Variants in ROBO1 observed in about 807,000 individuals in gnomAD.
The protein encoded by ROBO1 is roundabout homolog 1.
Under a neutral mutation model 195.9 loss-of-function variants are expected in ROBO1, and 149 were observed. The observed-to-expected ratio is 0.76, with a 90% confidence interval of 0.67 to 0.87. ROBO1 has a LOEUF of 0.87. Ranked by LOEUF, ROBO1 falls within the 40% of genes least tolerant of loss-of-function variation. The pLI, the probability that ROBO1 is intolerant of heterozygous loss-of-function variation, is 0.00. For missense variants in ROBO1, 1,933 were observed against 2,068.3 expected, an observed-to-expected ratio of 0.93 and a Z score of 1.27; for synonymous variants, 816 against 733.2, an observed-to-expected ratio of 1.11 and a Z score of -1.82.
chr3:79,614,053 C>T (rs1944746808), intron 1 of ROBO1, among the ~76,000 whole-genome samples: 1 of 151,950 alleles, frequency 6.6e-6, no homozygotes, highest in Non-Finnish European at 1.5e-5. Flanking sequence ...GAGAAAACTA[C>T]AATAACAGAG....
At chr3:79,479,238 T>C (rs1031675036) in intron 2 of ROBO1, among the ~76,000 whole-genome samples, 2 of 152,212 alleles carry the variant, frequency 1.3e-5, no homozygotes, top group African/African-American at 4.8e-5. Context: ...AGATGATTTT[T>C]TCCACGGATG....
At chr3:79,397,700 A>C (rs2037206283) in intron 2 of ROBO1, among the ~76,000 whole-genome samples, 1 of 152,206 alleles carries the variant, frequency 6.6e-6, no homozygotes, top group Non-Finnish European at 1.5e-5. Context: ...TGAAACCCCC[A>C]AAACATTTAT....
At chr3:78,696,372 C>T (rs2081289910) in intron 8 of ROBO1, among the ~76,000 whole-genome samples, 1 of 152,068 alleles carries the variant, frequency 6.6e-6, no homozygotes, top group African/African-American at 2.4e-5. Context: ...GACCTTAGAA[C>T]TTATCAGTCT....
intron 5 of ROBO1, among the ~76,000 whole-genome samples, chr3:78,726,309 A>C (rs9874934): frequency 0.47 from 71,264 of 151,890 alleles, 17,638 homozygotes; most frequent in Middle Eastern, 0.57. Context: ...CAGATAAGAC[A>C]CACATAGGCA....
chr3:79,392,317 T>C (rs1218998053), intron 2 of ROBO1, among the ~76,000 whole-genome samples: 3 of 152,196 alleles, frequency 2.0e-5, no homozygotes, highest in African/African-American at 7.2e-5. Context: ...TATTTGAAGA[T>C]TAAAGCTTGC....
chr3:79,033,882 G>C (rs960814690), intron 3 of ROBO1, among the ~76,000 whole-genome samples: 1 of 152,070 alleles, frequency 6.6e-6, no homozygotes, highest in Admixed American at 6.6e-5. Context: ...CTTTGAAATA[G>C]GATTTTATCC....
chr3:79,506,437 A>G (rs1940399516), intron 2 of ROBO1, among the ~76,000 whole-genome samples: 1 of 152,006 alleles, frequency 6.6e-6, no homozygotes. Flanking sequence ...AAGAAAAGAA[A>G]TAGAAAAACA....
chr3:78,859,277 C>T (rs2034642798), intron 4 of ROBO1, among the ~76,000 whole-genome samples: 1 of 152,146 alleles, frequency 6.6e-6, no homozygotes, highest in Admixed American at 6.5e-5. Context: ...GTTGTTGGTA[C>T]AGGTTGAGTA....
At chr3:79,315,618 G>A (rs746701938) in intron 2 of ROBO1, among the ~76,000 whole-genome samples, 5 of 152,180 alleles carry the variant, frequency 3.3e-5, no homozygotes, top group Admixed American at 2.6e-4. Flanking sequence ...AGGGAGAAAC[G>A]AGTTTTGAGT....
intron 23 of ROBO1, 123 bp downstream of exon 23, chr3:78,635,650 T>C: frequency 1.2e-6 from 1 of 850,116 alleles, no homozygotes; most frequent in East Asian, 2.7e-5. Flanking sequence ...ACCAAAGAAA[T>C]AAGAAAATCT....
intron 2 of ROBO1, among the ~76,000 whole-genome samples, chr3:79,338,458 T>C (rs2034774121): frequency 6.6e-6 from 1 of 152,206 alleles, no homozygotes; most frequent in Admixed American, 6.5e-5. Context: ...GTCAGAATAT[T>C]ATATCACCTG....
rs929921889 is a variant in ROBO1 at position 79,019,362 on chromosome 3, C to A, written c.173-80435G>T. Reference sequence around the variant, plus strand: ...GAGAAGGGCAGAGAGGATGCTGCTGCGGGTGGGAGAGACGGCCGCCGCGGC... The same window carrying A: ...GAGAAGGGCAGAGAGGATGCTGCTGAGGGTGGGAGAGACGGCCGCCGCGGC... On this transcript the variant is annotated intron_variant, in intron 3 of 30. Transcript: ENST00000464233. 17 of 985,618 alleles carry A rather than the reference C, an allele frequency of 1.7e-5. No individual in the cohort carries two copies. The African/African-American group carries it at 2.8e-4, about 16-fold the overall frequency. 61.1% of individuals were successfully genotyped at this position (985,618 alleles called of 1,614,324 possible).
At chr3:78,991,749 G>A (rs1021130627) in intron 3 of ROBO1, among the ~76,000 whole-genome samples, 1 of 152,126 alleles carries the variant, frequency 6.6e-6, no homozygotes, top group African/African-American at 2.4e-5. Context: ...TAACGATACA[G>A]TTGCTTATTC....
At chr3:79,252,933 T>G (rs1287387888) in intron 2 of ROBO1, among the ~76,000 whole-genome samples, 1 of 152,152 alleles carries the variant, frequency 6.6e-6, no homozygotes, top group East Asian at 1.9e-4. Context: ...AGTGTTCTCC[T>G]GAACCCATTG....
At chr3:79,053,300 A>C (rs1195073759) in intron 3 of ROBO1, among the ~76,000 whole-genome samples, 2 of 150,898 alleles carry the variant, frequency 1.3e-5, no homozygotes, top group African/African-American at 4.9e-5. Flanking sequence ...CTCCTCCCCC[A>C]CCTAACGATT....
chr3:78,948,635 A>C (rs1022616456), intron 3 of ROBO1, among the ~76,000 whole-genome samples: 10 of 152,166 alleles, frequency 6.6e-5, no homozygotes, highest in African/African-American at 2.2e-4. Context: ...CACTACTCCT[A>C]TTCAACATAG....
chr3:79,404,035 T>G (rs1184316314), intron 2 of ROBO1, among the ~76,000 whole-genome samples: 2 of 152,058 alleles, frequency 1.3e-5, no homozygotes, highest in African/African-American at 2.4e-5. Context: ...TTTTCACTGT[T>G]TTGAAATCAT....
At chr3:78,676,762 T>C (rs1332881667) in intron 10 of ROBO1, among the ~76,000 whole-genome samples, 3 of 152,128 alleles carry the variant, frequency 2.0e-5, no homozygotes, top group Non-Finnish European at 4.4e-5. Context: ...CAGGATATTA[T>C]CCAGGAGAAC....
chr3:79,382,103 A>C (rs929746558), intron 2 of ROBO1, among the ~76,000 whole-genome samples: 1 of 152,194 alleles, frequency 6.6e-6, no homozygotes, highest in Non-Finnish European at 1.5e-5. Flanking sequence ...AAGCACGATC[A>C]TCAAAACAGA....
Sources: allele counts gnomAD v4.1 joint callset (sites outside exome capture counted in the v4.1 genomes callset), GRCh38; gene constraint gnomAD v4.1.1; transcripts MANE v1.5; gene names NCBI Gene and HGNC (gene_info 2026-07-23, HGNC 2026-07-21).